The following USP36 variants were observed in gnomAD, a reference collection of about 807,000 sequenced individuals.
The protein encoded by USP36 is ubiquitin specific peptidase 36.
In USP36, 59 loss-of-function variants were observed where a neutral mutation model predicts 111.5. That is an observed-to-expected ratio of 0.53 (90% CI 0.43 to 0.66). The LOEUF is 0.66. Ranked by LOEUF, USP36 falls within the 30% of genes least tolerant of loss-of-function variation. The pLI, the probability that USP36 is intolerant of heterozygous loss-of-function variation, is 0.00. For synonymous variants in USP36, 628 were observed against 581.0 expected (o/e 1.08, Z -1.16); for missense variants, 1,488 against 1,468.0 (o/e 1.01, Z -0.22).
intron 4 of USP36, among the ~76,000 whole-genome samples, chr17:78,829,439 T>G (rs958484563): frequency 1.3e-5 from 2 of 152,224 alleles, no homozygotes; most frequent in African/African-American, 4.8e-5. Flanking sequence ...TGACAGCCCC[T>G]TAGTAGTGCC....
At chr17:78,812,612 C>A (rs891460674) in intron 13 of USP36, among the ~76,000 whole-genome samples, 1 of 150,414 alleles carries the variant, frequency 6.6e-6, no homozygotes, top group African/African-American at 2.5e-5. Flanking sequence ...ATGGCGGGAA[C>A]CCGGGAGGCA....
rs1462736196 is a variant in USP36, at chr17:78,804,725, T to C, written c.2217-747A>G. On this transcript the variant is annotated intron_variant, in intron 15 of 20. Coordinates refer to ENST00000449938, the MANE Select transcript of USP36 (RefSeq NM_001385174.1). ...TTTTAAAAGGCAAAGTTAATAAGAA[T>C]TGTTCCATGCCTTAGTTTCTTGTCA... 2.0e-5 allele frequency among the ~76,000 whole-genome samples: 3 copies of C among 149,824 alleles called. No individual in the cohort carries two copies. In the Admixed American group the frequency reaches 2.0e-4, roughly 10 times the overall value.
intron 15 of USP36, among the ~76,000 whole-genome samples, chr17:78,805,637 G>C (rs2093877966): frequency 6.6e-6 from 1 of 152,230 alleles, no homozygotes; most frequent in South Asian, 2.1e-4. Flanking sequence ...CTGCGGACCA[G>C]GGCCCACATG....
intron 8 of USP36, among the ~76,000 whole-genome samples, chr17:78,820,536 C>A (rs904807817): frequency 6.6e-5 from 10 of 152,188 alleles, no homozygotes; most frequent in Non-Finnish European, 1.5e-4. Context: ...TCACTTTTAT[C>A]AGGATGATCT....
At chr17:78,810,035 C>T (rs1364053083) in intron 13 of USP36, among the ~76,000 whole-genome samples, 2 of 152,082 alleles carry the variant, frequency 1.3e-5, no homozygotes, top group Non-Finnish European at 2.9e-5. Flanking sequence ...TTAGTAGAGA[C>T]AGGGTCTCAC....
At chr17:78,789,269 G>A (rs2093562581) in intron 3 of USP36, among the ~76,000 whole-genome samples, 1 of 150,280 alleles carries the variant, frequency 6.7e-6, no homozygotes, top group African/African-American at 2.4e-5. Flanking sequence ...CCCAATCACT[G>A]TGTGAGTGAT....
Position 78,802,465 on chromosome 17 carries a change from T to C in USP36, c.2881A>G (p.Arg961Gly). Residue 961 changes from arginine (R) to glycine (G), a missense_variant, in exon 17 of 21, where the codon AGA (arginine) becomes GGA (glycine). By Grantham distance (125) the Arg-to-Gly change is moderately radical. Transcript: ENST00000449938. ...ESPRKKKKKK[R>G]KQETQRAVEE... ...ACTGCCCGCTGTGTCTCCTGCTTTC[T>C]TTTTTTCTTTTTCTTTTTCCTTGGA... The C allele has an allele frequency of 6.3e-7, 1 of 1,580,030 alleles. No individual in the cohort carries two copies. The highest frequency in any genetic ancestry group is 8.6e-7 in the Non-Finnish European group (1 of 1,159,858).
intron 17 of USP36, among the ~76,000 whole-genome samples, chr17:78,800,926 G>A (rs553811949): frequency 2.0e-4 from 30 of 151,844 alleles, no homozygotes; most frequent in African/African-American, 2.7e-4. Context: ...ACTTCGCTCC[G>A]AGGGTGGCAC....
At chr17:78,802,168 C>T (rs1317182380) in intron 17 of USP36, among the ~76,000 whole-genome samples, 156 bp downstream of exon 17, 1 of 145,302 alleles carries the variant, frequency 6.9e-6, no homozygotes, top group Non-Finnish European at 1.5e-5. Flanking sequence ...CGGTCCCCCA[C>T]CCCCTCGCCC....
chr17:78,835,161 T>C (rs968061446), intron 4 of USP36, 119 bp downstream of exon 4: 4 of 1,041,870 alleles, frequency 3.8e-6, no homozygotes, highest in Non-Finnish European at 4.2e-6. Context: ...TCAGTTACTA[T>C]ACATTATGAA....
chr17:78,810,731 C>T (rs1025364732), intron 13 of USP36, among the ~76,000 whole-genome samples: 9 of 152,082 alleles, frequency 5.9e-5, no homozygotes, highest in African/African-American at 2.2e-4. Context: ...CGTAAATGAC[C>T]AAAACCCCTG....
At chr17:78,833,026 C>T (rs981961089) in intron 4 of USP36, among the ~76,000 whole-genome samples, 5 of 151,894 alleles carry the variant, frequency 3.3e-5, no homozygotes, top group Admixed American at 1.3e-4. Flanking sequence ...CGGGCACCTG[C>T]AGTCCCAGCT....
In USP36 at chr17:78,798,827, G is replaced by A. The variant is rs551199455; in HGVS notation, c.3240+81C>T. On this transcript the variant is annotated intron_variant, in intron 19 of 20. Coordinates refer to ENST00000449938, the MANE Select transcript of USP36 (RefSeq NM_001385174.1). This position sits in a 1 kb window ranked among gnomAD's most constrained non-coding sequence, Gnocchi z 5.1. The stretch of plus-strand genomic sequence containing the variant: ...TGCTCGGCCGCTTCATGCCACTGCC[G>A]CCACCTCCAACTGCCCCGGCTCTGA... 2,704 of 1,529,602 alleles carry A rather than the reference G, an allele frequency of 1.8e-3. 5 individuals are homozygous for A. Among genetic ancestry groups the A allele is most frequent in the Non-Finnish European group, 2.1e-3 (2,380 of 1,111,746 alleles). The allele number at this position is 1,529,602 out of a possible 1,614,324, so 94.8% of individuals were successfully genotyped here.
intron 4 of USP36, among the ~76,000 whole-genome samples, chr17:78,830,575 G>A (rs886135465): frequency 1.1e-4 from 16 of 152,212 alleles, no homozygotes; most frequent in African/African-American, 3.9e-4. Context: ...GCTAGATACT[G>A]TTGTCTACTA....
chr17:78,840,516 T>G (rs1456998752), intron 1 of USP36: 1 of 152,204 alleles, frequency 6.6e-6, no homozygotes, highest in Non-Finnish European at 1.5e-5. Flanking sequence ...CGGACCCTCC[T>G]CGGGAATACC....
At chr17:78,808,782 G>T (rs1478126530) in intron 13 of USP36, among the ~76,000 whole-genome samples, 5 of 152,016 alleles carry the variant, frequency 3.3e-5, no homozygotes, top group Non-Finnish European at 7.4e-5. Flanking sequence ...TTGACCAAGA[G>T]GCTGTACCCG....
chr17:78,805,883 C>T (rs1254775190), intron 15 of USP36, among the ~76,000 whole-genome samples: 1 of 152,208 alleles, frequency 6.6e-6, no homozygotes. Context: ...ACCACATCAC[C>T]ACAAGGATGT....
intron 13 of USP36, among the ~76,000 whole-genome samples, chr17:78,808,811 C>T (rs1251763456): frequency 6.6e-6 from 1 of 152,110 alleles, no homozygotes; most frequent in Non-Finnish European, 1.5e-5. Context: ...CTCGTTCCCA[C>T]TGCAGCCCTC....
Position 78,806,227 on chromosome 17 carries a change from G to T in USP36, c.2145C>A (p.Ser715=). 1.2e-6 allele frequency: 2 copies of T among 1,613,886 alleles called. No individual in the cohort carries two copies. Among genetic ancestry groups the T allele is most frequent in the Non-Finnish European group, 1.7e-6 (2 of 1,180,004 alleles). Reference sequence around the variant, plus strand: ...TTTTCATGGGGTGGGTGAGGTCGGAGGATGGTGAGGGGGGAGGTGGACGGA... The same window carrying T: ...TTTTCATGGGGTGGGTGAGGTCGGATGATGGTGAGGGGGGAGGTGGACGGA... ...NDLRPPPPSP[S]SDLTHPMKTS... is the part of the protein sequence containing the mutation. The change falls in exon 15 of 21, where the codon TCC becomes TCA. Residue 715 remains serine (S), a synonymous_variant. Coordinates refer to ENST00000449938, the MANE Select transcript of USP36 (RefSeq NM_001385174.1).
Sources: allele counts gnomAD v4.1 joint callset (sites outside exome capture counted in the v4.1 genomes callset), GRCh38; gene constraint gnomAD v4.1.1; non-coding constraint Gnocchi (gnomAD v3.1); transcripts MANE v1.5; gene names NCBI Gene and HGNC (gene_info 2026-07-23, HGNC 2026-07-21).